Variants in RBFOX1 observed in about 807,000 individuals in gnomAD.
RBFOX1 encodes the protein RNA binding fox-1 homolog 1.
RBFOX1 carries 8 observed loss-of-function variants against 57.7 expected under a neutral mutation model. That is an observed-to-expected ratio of 0.14 (90% confidence interval 0.08 to 0.25). The LOEUF is 0.25. RBFOX1 is among the 10% of genes least tolerant of loss of function. The pLI, the probability that RBFOX1 is intolerant of heterozygous loss-of-function variation, is 1.00. For synonymous variants in RBFOX1, 326 were observed against 222.4 expected, an observed-to-expected ratio of 1.47 and a Z score of -4.15; for missense variants, 611 against 548.5, an observed-to-expected ratio of 1.11 and a Z score of -1.14.
At chr16:5,834,698 G>GATAGATAC (rs2056396987) in intron 3 of RBFOX1, among the ~76,000 whole-genome samples, 1 of 120,846 alleles carries the variant, frequency 8.3e-6, no homozygotes, top group Non-Finnish European at 1.6e-5. Flanking sequence ...TAGATAGATA[G>GATAGATAC]ATAGATAGAT....
intron 2 of RBFOX1, among the ~76,000 whole-genome samples, chr16:5,581,898 A>G (rs764010780): frequency 4.6e-5 from 7 of 152,194 alleles, no homozygotes; most frequent in Non-Finnish European, 1.0e-4. Context: ...AGATTTAGGA[A>G]CAGAAGCAAG....
At chr16:5,725,711 A>G (rs1484080135) in intron 3 of RBFOX1, among the ~76,000 whole-genome samples, 1 of 151,838 alleles carries the variant, frequency 6.6e-6, no homozygotes, top group African/African-American at 2.4e-5. Context: ...CATGGGGGAA[A>G]TCCACTGGGA....
At chr16:6,110,866 C>G (rs949038374) in intron 1 of RBFOX1, among the ~76,000 whole-genome samples, 9 of 152,220 alleles carry the variant, frequency 5.9e-5, no homozygotes, top group Middle Eastern at 3.4e-3. Context: ...GTGCACAGCA[C>G]CAGCCCCCAC....
chr16:5,450,117 A>T (rs1435219088), intron 1 of RBFOX1, among the ~76,000 whole-genome samples: 1 of 152,216 alleles, frequency 6.6e-6, no homozygotes, highest in Non-Finnish European at 1.5e-5. Context: ...GCAAATAAGA[A>T]AGGGTTGGGC....
At chr16:5,652,671 A>G (rs2049279662) in intron 3 of RBFOX1, among the ~76,000 whole-genome samples, 1 of 152,186 alleles carries the variant, frequency 6.6e-6, no homozygotes, top group African/African-American at 2.4e-5. Flanking sequence ...AAATGGGTGC[A>G]GGAACCCAGC....
At chr16:5,420,749 T>C (rs2067293634) in intron 1 of RBFOX1, among the ~76,000 whole-genome samples, 1 of 152,040 alleles carries the variant, frequency 6.6e-6, no homozygotes, top group Admixed American at 6.5e-5. Context: ...TTGCCCAGGC[T>C]GGTCTCAAAC....
chr16:6,846,330 G>A (rs1024890689), intron 3 of RBFOX1, among the ~76,000 whole-genome samples: 1 of 152,148 alleles, frequency 6.6e-6, no homozygotes, highest in Non-Finnish European at 1.5e-5. Flanking sequence ...ACTCAACATG[G>A]ACACATCAAG....
At chr16:6,646,768 C>G (rs1043919968) in intron 2 of RBFOX1, among the ~76,000 whole-genome samples, 6 of 151,994 alleles carry the variant, frequency 3.9e-5, no homozygotes, top group African/African-American at 1.4e-4. Flanking sequence ...GTTAATCTCC[C>G]GTTTCTGTTT....
chr16:6,014,342 T>G (rs1314364926), upstream of RBFOX1, among the ~76,000 whole-genome samples: 3 of 152,118 alleles, frequency 2.0e-5, no homozygotes, highest in Non-Finnish European at 4.4e-5. Context: ...TGAGCCCAAG[T>G]AGAAGAGGAA....
intron 2 of RBFOX1, among the ~76,000 whole-genome samples, chr16:6,409,492 T>C (rs568672911): frequency 1.3e-5 from 2 of 152,316 alleles, no homozygotes; most frequent in South Asian, 4.1e-4. Context: ...CATTTGAAAG[T>C]TAAGATGCCT....
At chr16:7,461,663 C>G (rs927538848) in intron 4 of RBFOX1, among the ~76,000 whole-genome samples, 1 of 152,110 alleles carries the variant, frequency 6.6e-6, no homozygotes, top group African/African-American at 2.4e-5. Flanking sequence ...TCATAACAAC[C>G]CCATTCACTG....
chr16:5,569,880 A>G (rs1392949917), intron 2 of RBFOX1, among the ~76,000 whole-genome samples: 1 of 152,184 alleles, frequency 6.6e-6, no homozygotes, highest in Non-Finnish European at 1.5e-5. Context: ...TGTCTGCGAC[A>G]TAAGAAGATC....
intron 3 of RBFOX1, among the ~76,000 whole-genome samples, chr16:5,693,308 A>G (rs1381124724): frequency 2.6e-5 from 4 of 152,116 alleles, no homozygotes; most frequent in Non-Finnish European, 5.9e-5. Context: ...TTGCATTAAA[A>G]TAAAATGATT....
intron 4 of RBFOX1, among the ~76,000 whole-genome samples, chr16:7,367,574 C>G (rs997707252): frequency 1.3e-5 from 2 of 152,188 alleles, no homozygotes; most frequent in African/African-American, 4.8e-5. Flanking sequence ...AGATGGAAAT[C>G]TAATCAGCTC....
At chr16:7,494,766 A>G (rs1259066898) in intron 4 of RBFOX1, among the ~76,000 whole-genome samples, 1 of 151,258 alleles carries the variant, frequency 6.6e-6, no homozygotes, top group East Asian at 1.9e-4. Context: ...TCATTCCGAA[A>G]CTCAGCAGAA....
intron 4 of RBFOX1, among the ~76,000 whole-genome samples, chr16:7,060,277 G>A (rs896429320): frequency 6.6e-6 from 1 of 152,116 alleles, no homozygotes; most frequent in Admixed American, 6.5e-5. Context: ...ACAAGAACAG[G>A]CAGTGGGCCA....
intron 1 of RBFOX1, among the ~76,000 whole-genome samples, chr16:5,252,593 C>G (rs1392843710): frequency 2.0e-5 from 3 of 152,162 alleles, no homozygotes; most frequent in Non-Finnish European, 2.9e-5. Context: ...GGGTTGGACA[C>G]TTCAGCCCCA....
At chr16:5,778,842 A>G (rs1014341403) in intron 3 of RBFOX1, among the ~76,000 whole-genome samples, 7 of 152,260 alleles carry the variant, frequency 4.6e-5, no homozygotes, top group Non-Finnish European at 7.3e-5. Context: ...CGGTTTTCCC[A>G]TCTCAAAAAT....
At chr16:7,183,745 C>T (rs573806294) in intron 4 of RBFOX1, among the ~76,000 whole-genome samples, 1 of 152,288 alleles carries the variant, frequency 6.6e-6, no homozygotes, top group East Asian at 1.9e-4. Flanking sequence ...ACTGTCAGAA[C>T]AAAATTGATA....
Sources: gnomAD v4.1 joint callset for allele counts (sites outside exome capture counted in the v4.1 genomes callset) on GRCh38, gnomAD v4.1.1 for gene constraint, MANE v1.5 for transcripts, NCBI Gene and HGNC (gene_info 2026-07-23, HGNC 2026-07-21) for gene names.